The following PDSS2 variants were observed in gnomAD, a reference collection of about 807,000 sequenced individuals.
The protein encoded by PDSS2 is all trans-polyprenyl-diphosphate synthase PDSS2.
A neutral mutation model predicts 44.5 loss-of-function variants in PDSS2; 31 were observed. The ratio of observed to expected loss-of-function variants is 0.70; its 90% CI spans 0.52 to 0.94. The LOEUF (loss-of-function observed/expected upper bound fraction) is 0.94. PDSS2 is among the 40% of genes least tolerant of loss of function. The pLI, the probability that PDSS2 is intolerant of heterozygous loss-of-function variation, is 0.00. For missense variants in PDSS2, 452 were observed against 482.2 expected (o/e 0.94, Z 0.59); for synonymous variants, 157 against 180.3 (o/e 0.87, Z 1.03).
chr6:107,259,813 A>G (rs1015485203), intron 3 of PDSS2, among the ~76,000 whole-genome samples: 4 of 152,254 alleles, frequency 2.6e-5, no homozygotes, highest in Admixed American at 2.6e-4. Context: ...TGTAAAATAC[A>G]TAAGTGCTAT....
At chr6:107,410,137 C>T (rs1780443833) in intron 1 of PDSS2, among the ~76,000 whole-genome samples, 1 of 152,054 alleles carries the variant, frequency 6.6e-6, no homozygotes, top group Non-Finnish European at 1.5e-5. Flanking sequence ...CATTAGAAGT[C>T]TCCAAGCCAT....
intron 2 of PDSS2, among the ~76,000 whole-genome samples, chr6:107,287,631 C>T (rs1776199928): frequency 6.6e-6 from 1 of 151,944 alleles, no homozygotes; most frequent in Admixed American, 6.6e-5. Context: ...AAGCAATTCT[C>T]CTGCCTCAGC....
intron 1 of PDSS2, among the ~76,000 whole-genome samples, chr6:107,346,244 T>C (rs1778243735): frequency 6.6e-6 from 1 of 152,206 alleles, no homozygotes; most frequent in African/African-American, 2.4e-5. Context: ...TGCTCTATCC[T>C]AGCAGGAAGA....
intron 1 of PDSS2, among the ~76,000 whole-genome samples, chr6:107,424,036 C>CTTTTT (rs56318621): frequency 1.1e-5 from 1 of 90,584 alleles, no homozygotes; most frequent in African/African-American, 4.6e-5. Flanking sequence ...TATCTTGCAT[C>CTTTTT]TTTTTTTTTT....
chr6:107,327,194 T>TG (rs1367946328), intron 2 of PDSS2, among the ~76,000 whole-genome samples: 4 of 152,162 alleles, frequency 2.6e-5, no homozygotes, highest in Non-Finnish European at 5.9e-5. Flanking sequence ...CAGTTGGATG[T>TG]GGTCCAGCAG....
At chr6:107,277,750 C>T (rs930128653) in intron 2 of PDSS2, among the ~76,000 whole-genome samples, 1 of 151,928 alleles carries the variant, frequency 6.6e-6, no homozygotes, top group Non-Finnish European at 1.5e-5. Context: ...GTAAGGAGTT[C>T]GAAACCAACC....
chr6:107,261,907 C>CT (rs58274022), intron 3 of PDSS2, among the ~76,000 whole-genome samples: 1,538 of 117,006 alleles, frequency 0.013, 34 homozygotes, highest in African/African-American at 0.041. Context: ...TCTTTCTTTT[C>CT]TTTTTTTTTT....
intron 1 of PDSS2, among the ~76,000 whole-genome samples, chr6:107,369,601 T>C (rs2114367915): frequency 6.6e-6 from 1 of 152,306 alleles, no homozygotes; most frequent in East Asian, 1.9e-4. Flanking sequence ...TACAGAGAAT[T>C]CTTTGTTGTA....
intron 1 of PDSS2, among the ~76,000 whole-genome samples, chr6:107,452,135 C>G (rs951952200): frequency 7.9e-5 from 12 of 152,040 alleles, no homozygotes; most frequent in Non-Finnish European, 1.5e-5. Context: ...TTCAAGGAAG[C>G]CTCCTGCCTC....
intron 1 of PDSS2, among the ~76,000 whole-genome samples, chr6:107,345,318 T>C (rs895211433): frequency 2.0e-5 from 3 of 149,158 alleles, no homozygotes; most frequent in Admixed American, 6.8e-5. Flanking sequence ...TAATTTTTTA[T>C]GGTTTTACTC....
Position 107,457,562 on chromosome 6 carries a change from G to A in PDSS2, c.296+1428C>T, listed in dbSNP as rs118008580. ...CCTCTATCCACTAAATGCCAGTAAT[G>A]TGCCTCCATTCGTGACAACCAAAAA... is the stretch of plus-strand genomic sequence containing the variant. On this transcript the variant is annotated intron_variant, in intron 1 of 7. Transcript: ENST00000369037. Among the ~76,000 whole-genome samples the A allele has an allele frequency of 8.9e-3, 1,351 of 152,276 alleles. 51 individuals carry two copies. The East Asian group carries it at 0.12, about 13-fold the overall frequency.
In PDSS2 at chr6:107,383,248, G is replaced by A. The variant is rs79163219; in HGVS notation, c.297-48916C>T. On this transcript the variant is annotated intron_variant, in intron 1 of 7. Coordinates refer to ENST00000369037, the MANE Select transcript of PDSS2 (RefSeq NM_020381.4). Reference sequence around the variant, plus strand: ...CAGGAGGCGGAGGCTGCAGTGAGCCGAGATCATACCACTGTACTCCAGCCT... The same window carrying A: ...CAGGAGGCGGAGGCTGCAGTGAGCCAAGATCATACCACTGTACTCCAGCCT... Among the ~76,000 whole-genome samples, 291 of 122,908 alleles carry A rather than the reference G, an allele frequency of 2.4e-3. 5 individuals carry two copies. In the East Asian group the frequency reaches 0.058, roughly 24 times the overall value. The allele number at this position is 122,908 out of a possible 152,430, so 80.6% of individuals were successfully genotyped here.
chr6:107,355,463 G>A (rs1001257338), intron 1 of PDSS2, among the ~76,000 whole-genome samples: 1 of 152,138 alleles, frequency 6.6e-6, no homozygotes, highest in African/African-American at 2.4e-5. Context: ...GCTACATTAT[G>A]TATCTTAGAT....
At chr6:107,326,903 T>G (rs988178231) in intron 2 of PDSS2, among the ~76,000 whole-genome samples, 4 of 151,914 alleles carry the variant, frequency 2.6e-5, no homozygotes, top group Non-Finnish European at 1.5e-5. Context: ...TGCTTTAAAA[T>G]TGGTCAGTAT....
chr6:107,303,803 T>C (rs1776774219), intron 2 of PDSS2, among the ~76,000 whole-genome samples: 1 of 152,216 alleles, frequency 6.6e-6, no homozygotes, highest in Non-Finnish European at 1.5e-5. Context: ...CATGTGCATA[T>C]GTAGGGTATT....
At chr6:107,443,647 C>T (rs1432822955) in intron 1 of PDSS2, among the ~76,000 whole-genome samples, 2 of 152,156 alleles carry the variant, frequency 1.3e-5, no homozygotes, top group South Asian at 2.1e-4. Context: ...TTTGCCTCAT[C>T]CCATCCCACC....
At chr6:107,164,558 G>A (rs1771269038) in intron 7 of PDSS2, among the ~76,000 whole-genome samples, 1 of 152,142 alleles carries the variant, frequency 6.6e-6, no homozygotes, top group African/African-American at 2.4e-5. Context: ...TATCAATCCA[G>A]TCTATCATTG....
At chr6:107,302,843 T>C (rs1442733499) in intron 2 of PDSS2, among the ~76,000 whole-genome samples, 1 of 108,362 alleles carries the variant, frequency 9.2e-6, no homozygotes, top group Non-Finnish European at 2.3e-5. Flanking sequence ...AAAAACTTAC[T>C]ACCAAAAAAA....
intron 6 of PDSS2, among the ~76,000 whole-genome samples, chr6:107,194,061 A>T (rs1210976931): frequency 6.6e-6 from 1 of 152,212 alleles, no homozygotes; most frequent in Non-Finnish European, 1.5e-5. Context: ...GCACGCATAG[A>T]CACTACCTAG....
Sources: allele counts gnomAD v4.1 joint callset (sites outside exome capture counted in the v4.1 genomes callset), GRCh38; gene constraint gnomAD v4.1.1; transcripts MANE v1.5; gene names NCBI Gene and HGNC (gene_info 2026-07-23, HGNC 2026-07-21).